Variants in EPC2 observed in about 807,000 individuals in gnomAD.
EPC2 encodes the protein enhancer of polycomb 2, also known as enhancer of polycomb homolog 2.
A neutral mutation model predicts 92.1 loss-of-function variants in EPC2; 14 were observed. The ratio of observed to expected loss-of-function variants is 0.15; its 90% CI spans 0.10 to 0.24. EPC2 has a LOEUF of 0.24. Among genes scored for constraint, EPC2 ranks in the 10% least tolerant of loss-of-function variants. EPC2 has a pLI of 1.00. For missense variants in EPC2, 755 were observed against 971.5 expected, an observed-to-expected ratio of 0.78 and a Z score of 2.96; for synonymous variants, 340 against 334.7, an observed-to-expected ratio of 1.02 and a Z score of -0.17.
At chr2:148,786,269 T>A (rs1458706174) in intron 13 of EPC2, 36 bp from the exon 14 acceptor site, 1 of 1,501,414 alleles carries the variant, frequency 6.7e-7, no homozygotes, top group Non-Finnish European at 9.2e-7. Flanking sequence ...CTAGAGAGTA[T>A]TGATATTTAT....
intron 2 of EPC2, among the ~76,000 whole-genome samples, chr2:148,700,377 T>C (rs184874393): frequency 3.3e-4 from 50 of 152,132 alleles, no homozygotes; most frequent in Admixed American, 9.8e-4. Flanking sequence ...AGATCTGTGA[T>C]CCATTTTGAG....
chr2:148,690,459 A>G (rs1178100500), intron 2 of EPC2, 86 bp downstream of exon 2: 12 of 1,280,984 alleles, frequency 9.4e-6, no homozygotes, highest in Non-Finnish European at 1.2e-5. Flanking sequence ...AGAAATTCTG[A>G]TTTTTTAATT....
intron 2 of EPC2, among the ~76,000 whole-genome samples, chr2:148,721,636 T>G (rs1042351051): frequency 1.3e-5 from 2 of 151,904 alleles, no homozygotes; most frequent in African/African-American, 4.8e-5. Context: ...TCATTGTTGC[T>G]TCACATGTTG....
chr2:148,709,393 C>G (rs1682081895), intron 2 of EPC2, among the ~76,000 whole-genome samples: 1 of 152,166 alleles, frequency 6.6e-6, no homozygotes, highest in African/African-American at 2.4e-5. Context: ...TAGGAAGAAT[C>G]AATATCGTAA....
chr2:148,694,829 A>G (rs889552177), intron 2 of EPC2, among the ~76,000 whole-genome samples: 3 of 152,132 alleles, frequency 2.0e-5, no homozygotes, highest in Admixed American at 6.5e-5. Flanking sequence ...CAGTGGTGCA[A>G]TATCTGCTCA....
At position 148,644,965 on chromosome 2, in the gene EPC2, C is replaced by CCCCG. The variant is rs1457827489; in HGVS notation, c.-45_-42dup. Reference sequence around the variant, plus strand: ...GAGGCGGCGGGAGTCCTCCCCCCCTCCCCGCCCGCCCCGCCGCCGCCGCCC... The same window carrying CCCCG: ...GAGGCGGCGGGAGTCCTCCCCCCCTCCCCGCCCGCCCGCCCCGCCGCCGCCGCCC... On this transcript the variant is annotated 5_prime_UTR_variant, in exon 1 of 14. Transcript: ENST00000258484. The CCCCG allele has an allele frequency of 2.1e-6, 3 of 1,462,040 alleles. No homozygotes were observed. The highest frequency in any genetic ancestry group is 1.9e-6 in the Non-Finnish European group (2 of 1,077,292). The allele number at this position is 1,462,040 out of a possible 1,614,324, so 90.6% of individuals were successfully genotyped here. A position where few individuals can be genotyped will look rare whatever the true frequency, so the allele number is the denominator to read the frequency against.
At chr2:148,728,957 G>A (rs572653059) in intron 2 of EPC2, among the ~76,000 whole-genome samples, 2 of 149,938 alleles carry the variant, frequency 1.3e-5, no homozygotes, top group Non-Finnish European at 3.0e-5. Flanking sequence ...GTGTGAACCC[G>A]GGAGGCGGAG....
chr2:148,701,849 A>C (rs948054677), intron 2 of EPC2, among the ~76,000 whole-genome samples: 2 of 152,152 alleles, frequency 1.3e-5, no homozygotes, highest in African/African-American at 4.8e-5. Context: ...CAGTGAACTC[A>C]TCTGGGACTG....
At position 148,679,938 on chromosome 2, in the gene EPC2, C is replaced by T. The variant is rs146720358; in HGVS notation, c.154-10276C>T. On this transcript the variant is annotated intron_variant, in intron 1 of 13. Transcript: ENST00000258484. ...TTGGGATTATAGACATAAGCCACTG[C>T]GCCTGGCAAAAGTTTTTACTACTAA... Among the ~76,000 whole-genome samples, 246 of 152,232 alleles carry T rather than the reference C, an allele frequency of 1.6e-3. 2 individuals carry two copies. Among genetic ancestry groups the T allele is most frequent in the African/African-American group, 4.8e-3 (199 of 41,548 alleles).
At chr2:148,769,765 A>T (rs1484770273) in intron 8 of EPC2, among the ~76,000 whole-genome samples, 2 of 152,090 alleles carry the variant, frequency 1.3e-5, no homozygotes, top group Non-Finnish European at 2.9e-5. Flanking sequence ...GCATTATATC[A>T]CTCTCCAAGG....
intron 8 of EPC2, among the ~76,000 whole-genome samples, chr2:148,769,464 T>A (rs184743885): frequency 5.7e-4 from 87 of 152,292 alleles, no homozygotes; most frequent in African/African-American, 2.0e-3. Flanking sequence ...TTTTAGAAAT[T>A]TAGGTTCATT....
chr2:148,715,681 G>T (rs935858885), intron 2 of EPC2, among the ~76,000 whole-genome samples: 1 of 152,114 alleles, frequency 6.6e-6, no homozygotes, highest in African/African-American at 2.4e-5. Flanking sequence ...TGTTCTTTTT[G>T]CTTAGGATTG....
In EPC2 at chr2:148,784,680, C is replaced by G; in HGVS notation, c.2030C>G (p.Thr677Arg). The G allele has an allele frequency of 6.2e-7, 1 of 1,605,430 alleles. No individual in the cohort carries two copies. The highest frequency in any genetic ancestry group is 8.5e-7 in the Non-Finnish European group (1 of 1,175,792). The change falls in exon 13 of 14, where the codon ACA becomes AGA. Residue 677 changes from threonine to arginine, a missense_variant. Coordinates refer to ENST00000258484, the MANE Select transcript of EPC2 (RefSeq NM_015630.4). ...CTTTCTTTTTCAGGAACCTCTAAAA[C>G]ATTATACTCCACCAATATGGCTTTA... The part of the protein sequence containing the change: ...GVVQPSGTSK[T>R]LYSTNMALSS...
At chr2:148,686,033 A>G (rs2890929) in intron 1 of EPC2, among the ~76,000 whole-genome samples, 21,387 of 152,204 alleles carry the variant, frequency 0.14, 2,438 homozygotes, top group East Asian at 0.46. Context: ...TAATAAGACA[A>G]TAGTGAAGTT....
chr2:148,645,296 ACT>A, intron 1 of EPC2, 126 bp downstream of exon 1: 1 of 838,556 alleles, frequency 1.2e-6, no homozygotes, highest in Non-Finnish European at 1.8e-6. Flanking sequence ...AACGCACGGG[ACT>A]CTACGCCGGC....
chr2:148,679,064 T>C (rs1340292506), intron 1 of EPC2, among the ~76,000 whole-genome samples: 1 of 152,180 alleles, frequency 6.6e-6, no homozygotes, highest in African/African-American at 2.4e-5. Flanking sequence ...CAAAATAATA[T>C]TGAATCCTCA....
At chr2:148,690,122 TTG>T in intron 1 of EPC2, 90 bp from the exon 2 acceptor site, 1 of 1,232,880 alleles carries the variant, frequency 8.1e-7, no homozygotes, top group Non-Finnish European at 1.1e-6. Flanking sequence ...TTAAAGCACT[TTG>T]TGATTATTAA....
rs937460588 is a variant in EPC2 at position 148,787,502 on chromosome 2, A to G, written c.*1125A>G. 5.9e-5 allele frequency: 9 copies of G among 152,758 alleles called. No individual in the cohort carries two copies. The highest frequency in any genetic ancestry group is 6.5e-5 in the Admixed American group (1 of 15,294). 9.5% of individuals were successfully genotyped at this position (152,758 alleles called of 1,614,324 possible). On this transcript the variant is annotated 3_prime_UTR_variant, in exon 14 of 14. Coordinates refer to ENST00000258484, the MANE Select transcript of EPC2 (RefSeq NM_015630.4). ...GTTTGTTTATGCACTAGTTCAGACA[A>G]CTTTCCCTGTTACTTGTTCTTGATA...
At chr2:148,728,057 A>G (rs1337917321) in intron 2 of EPC2, among the ~76,000 whole-genome samples, 1 of 152,054 alleles carries the variant, frequency 6.6e-6, no homozygotes, top group Non-Finnish European at 1.5e-5. Context: ...TGGCATGCTC[A>G]TGGCTCACTG....
Sources: gnomAD v4.1 joint callset for allele counts (sites outside exome capture counted in the v4.1 genomes callset) on GRCh38, gnomAD v4.1.1 for gene constraint, MANE v1.5 for transcripts, NCBI Gene and HGNC (gene_info 2026-07-23, HGNC 2026-07-21) for gene names.